The following PCDHA1 variants were observed in gnomAD, a reference collection of about 807,000 sequenced individuals.
The protein encoded by PCDHA1 is protocadherin alpha-1.
PCDHA1 carries 42 observed loss-of-function variants against 61.3 expected under a neutral mutation model. The ratio of observed to expected loss-of-function variants is 0.69; its 90% CI spans 0.54 to 0.89. PCDHA1 has a LOEUF of 0.89. Among genes scored for constraint, PCDHA1 ranks in the 40% least tolerant of loss-of-function variants. The pLI, the probability that PCDHA1 is intolerant of heterozygous loss-of-function variation, is 0.00. For missense variants in PCDHA1, 1,256 were observed against 1,235.3 expected (o/e 1.02, Z -0.25); for synonymous variants, 610 against 553.8 (o/e 1.10, Z -1.43).
chr5:140,795,636 C>A, intron 1 of PCDHA1: 2 of 1,614,106 alleles, frequency 1.2e-6, no homozygotes, highest in Non-Finnish European at 1.7e-6. Context: ...AGCTCACGGG[C>A]ACCGTTCAAA....
At chr5:140,928,874 C>T (rs782794510) in intron 1 of PCDHA1, 1 of 1,614,194 alleles carries the variant, frequency 6.2e-7, no homozygotes, top group Admixed American at 1.7e-5. Context: ...AACTCTGTCC[C>T]TCAGTTACTT....
intron 1 of PCDHA1, among the ~76,000 whole-genome samples, chr5:140,900,791 T>A (rs2068293056): frequency 6.6e-6 from 1 of 152,200 alleles, no homozygotes; most frequent in African/African-American, 2.4e-5. Flanking sequence ...TCCAAACTGT[T>A]CTCCATAGTG....
chr5:140,882,462 G>C (rs1487611246), intron 1 of PCDHA1: 1 of 1,613,916 alleles, frequency 6.2e-7, no homozygotes, highest in Non-Finnish European at 8.5e-7. Context: ...CGCCTGTTCC[G>C]GGTGGCGTCC....
At chr5:140,926,707 C>A in intron 1 of PCDHA1, 5 of 886,092 alleles carry the variant, frequency 5.6e-6, no homozygotes, top group Non-Finnish European at 7.9e-6. Context: ...TCCCAGCTGG[C>A]CAGCCCCGGC....
chr5:140,800,698 A>G (rs1347184883), intron 1 of PCDHA1, among the ~76,000 whole-genome samples: 1 of 152,204 alleles, frequency 6.6e-6, no homozygotes, highest in Non-Finnish European at 1.5e-5. Flanking sequence ...ATTTCAGAGG[A>G]TTGTGATAAT....
At chr5:140,862,417 T>A (rs77196804) in intron 1 of PCDHA1, 1 of 351,262 alleles carries the variant, frequency 2.8e-6, no homozygotes, top group East Asian at 7.4e-5. Context: ...CAAAAGGCGC[T>A]GCCCAGAAAC....
rs782769711 is a variant in PCDHA1 at position 140,857,323 on chromosome 5, C to G, written c.2394+68639C>G. 1.0e-5 allele frequency: 16 copies of G among 1,598,498 alleles called. 1 individual carries two copies. Among genetic ancestry groups the G allele is most frequent in the Admixed American group, 1.7e-5 (1 of 59,312 alleles). ...TGTCGGCCTATGAGCTGGTGGTGAC[C>G]GCGCGGGACGGGGGCTCGCCTCCGC... On this transcript the variant is annotated intron_variant, in intron 1 of 3. Coordinates refer to ENST00000504120, the MANE Select transcript of PCDHA1 (RefSeq NM_018900.4).
chr5:140,825,245 T>C (rs1257596640), intron 1 of PCDHA1: 1 of 151,538 alleles, frequency 6.6e-6, no homozygotes, highest in Non-Finnish European at 1.5e-5. Context: ...ATCTATGGTG[T>C]TCCATTGTGT....
chr5:140,830,704 T>A (rs1771209661), intron 1 of PCDHA1: 2 of 264,612 alleles, frequency 7.6e-6, no homozygotes, highest in Non-Finnish European at 1.4e-5. Flanking sequence ...ACCTCAGAAT[T>A]TTTGTCTTCA....
In PCDHA1 at chr5:140,856,586, G is replaced by A. The variant is rs1185371115; in HGVS notation, c.2394+67902G>A. 7 of 1,597,236 alleles carry A rather than the reference G, an allele frequency of 4.4e-6. 1 individual carries two copies. The highest frequency in any genetic ancestry group is 6.0e-6 in the Non-Finnish European group (7 of 1,166,914). ...CAGTCCAAATGAGTATTTTGTTCTT[G>A]ATATTATAAACAAAAAAGACAAAGA... On this transcript the variant is annotated intron_variant, in intron 1 of 3. Coordinates refer to ENST00000504120, the MANE Select transcript of PCDHA1 (RefSeq NM_018900.4).
chr5:140,879,973 C>T (rs1554171113), intron 1 of PCDHA1, among the ~76,000 whole-genome samples: 1 of 152,200 alleles, frequency 6.6e-6, no homozygotes, highest in East Asian at 1.9e-4. Context: ...GGATAAACTC[C>T]TTTCAAGATC....
At chr5:140,886,599 G>A (rs1370842751) in intron 1 of PCDHA1, among the ~76,000 whole-genome samples, 1 of 151,940 alleles carries the variant, frequency 6.6e-6, no homozygotes, top group African/African-American at 2.4e-5. Flanking sequence ...AGGCCAAGGT[G>A]GGCGGATCAG....
chr5:140,851,270 A>G lies in PCDHA1; in HGVS notation c.2394+62586A>G. On this transcript the variant is annotated intron_variant, in intron 1 of 3. Transcript: ENST00000504120. ...ATGCATAGTATTTTAGTCTACTTGTATTGTTTATAAGAAACCCAAGCAAAA... is the reference window on the plus strand; with the variant it reads ...ATGCATAGTATTTTAGTCTACTTGTGTTGTTTATAAGAAACCCAAGCAAAA... The G allele has an allele frequency of 9.4e-6, 10 of 1,065,088 alleles. 1 individual carries two copies. Among genetic ancestry groups the G allele is most frequent in the Non-Finnish European group, 1.1e-5 (9 of 851,818 alleles). 66.0% of individuals were successfully genotyped at this position (1,065,088 alleles called of 1,614,324 possible).
At chr5:140,840,377 TA>T (rs1239184910) in intron 1 of PCDHA1, among the ~76,000 whole-genome samples, 2 of 151,814 alleles carry the variant, frequency 1.3e-5, no homozygotes, top group Non-Finnish European at 2.9e-5. Context: ...AAAATGAAAA[TA>T]GGGGGTTGCA....
intron 1 of PCDHA1, chr5:140,850,644 C>G: frequency 6.3e-7 from 1 of 1,598,664 alleles, no homozygotes; most frequent in Non-Finnish European, 8.6e-7. Flanking sequence ...CACGCTGCTG[C>G]TGTACACTGT....
intron 1 of PCDHA1, chr5:140,876,304 TCCTATGGGATC>T (rs1173311877): frequency 1.9e-6 from 3 of 1,613,956 alleles, no homozygotes; most frequent in Non-Finnish European, 2.5e-6. Context: ...TGGAGAAATT[TCCTATGGGATC>T]AAAATGATTT....
chr5:140,801,700 T>A, intron 1 of PCDHA1: 1 of 1,614,224 alleles, frequency 6.2e-7, no homozygotes, highest in Non-Finnish European at 8.5e-7. Context: ...AATTCGTTGT[T>A]GACTTACAGT....
chr5:140,852,099 AT>A, intron 1 of PCDHA1: 1 of 909,604 alleles, frequency 1.1e-6, no homozygotes, highest in Non-Finnish European at 1.3e-6. Flanking sequence ...TGTGTCAGAT[AT>A]TTTACAAGGT....
At chr5:140,989,724 T>C (rs1251385686) in intron 3 of PCDHA1, among the ~76,000 whole-genome samples, 6 of 152,178 alleles carry the variant, frequency 3.9e-5, no homozygotes, top group African/African-American at 1.4e-4. Context: ...AGCTTTGCAG[T>C]TGAAAAGGCC....
Sources: gnomAD v4.1 joint callset for allele counts (sites outside exome capture counted in the v4.1 genomes callset) on GRCh38, gnomAD v4.1.1 for gene constraint, MANE v1.5 for transcripts, NCBI Gene and HGNC (gene_info 2026-07-23, HGNC 2026-07-21) for gene names.